DNM3: variants seen among roughly 807,000 people sequenced by gnomAD.
The protein encoded by DNM3 is dynamin-3.
A neutral mutation model predicts 101.6 loss-of-function variants in DNM3; 47 were observed. The ratio of observed to expected loss-of-function variants is 0.46; its 90% CI spans 0.37 to 0.59. The LOEUF is 0.59. Ranked by LOEUF, DNM3 falls within the 20% of genes least tolerant of loss-of-function variation. The pLI, the probability that DNM3 is intolerant of heterozygous loss-of-function variation, is 0.00. For missense variants in DNM3, 849 were observed against 1,085.7 expected, an observed-to-expected ratio of 0.78 and a Z score of 3.06; for synonymous variants, 385 against 387.9, an observed-to-expected ratio of 0.99 and a Z score of 0.09.
intron 14 of DNM3, among the ~76,000 whole-genome samples, chr1:172,174,772 G>C (rs1321986546): frequency 1.3e-5 from 2 of 151,626 alleles, no homozygotes; most frequent in Admixed American, 6.6e-5. Flanking sequence ...TTCACAAATG[G>C]GTGAAGGATA....
intron 17 of DNM3, among the ~76,000 whole-genome samples, chr1:172,351,943 C>T (rs1229462856): frequency 6.6e-6 from 1 of 152,130 alleles, no homozygotes; most frequent in Admixed American, 6.5e-5. Context: ...GTCAGCTTCC[C>T]AGATCATTGA....
At chr1:172,236,785 T>C (rs2061561442) in intron 14 of DNM3, among the ~76,000 whole-genome samples, 1 of 152,168 alleles carries the variant, frequency 6.6e-6, no homozygotes, top group South Asian at 2.1e-4. Context: ...GTGCTAAACT[T>C]TTTCTATGAC....
intron 1 of DNM3, among the ~76,000 whole-genome samples, chr1:171,864,859 TA>T (rs57265665): frequency 0.024 from 3,518 of 146,270 alleles, 123 homozygotes; most frequent in African/African-American, 0.082. Context: ...CTTGCTTAAA[TA>T]AAAAAAAAAA....
chr1:172,373,893 C>T (rs971938237), intron 17 of DNM3, among the ~76,000 whole-genome samples: 3 of 152,066 alleles, frequency 2.0e-5, no homozygotes, highest in African/African-American at 7.2e-5. Flanking sequence ...TTTTTATCAT[C>T]TTCACAAAGT....
At chr1:171,876,544 A>G (rs1198847534) in intron 1 of DNM3, among the ~76,000 whole-genome samples, 2 of 151,996 alleles carry the variant, frequency 1.3e-5, no homozygotes, top group African/African-American at 2.4e-5. Context: ...GCACCTATAC[A>G]TGTTGTGGCT....
At chr1:171,915,749 G>A (rs940875776) in intron 1 of DNM3, among the ~76,000 whole-genome samples, 1 of 152,054 alleles carries the variant, frequency 6.6e-6, no homozygotes, top group Non-Finnish European at 1.5e-5. Context: ...GAGATGTTTG[G>A]TTCCAGACAC....
At chr1:172,249,495 T>C (rs1283073786) in intron 14 of DNM3, among the ~76,000 whole-genome samples, 3 of 152,134 alleles carry the variant, frequency 2.0e-5, no homozygotes, top group South Asian at 2.1e-4. Flanking sequence ...TCCCTCTCTC[T>C]TTGAACAAAA....
rs2062160177 is a variant in DNM3 at position 172,251,308 on chromosome 1, GCA to G, written c.1660-2264_1660-2263del. On this transcript the variant is annotated intron_variant, in intron 14 of 20. Coordinates refer to ENST00000627582, the MANE Select transcript of DNM3 (RefSeq NM_015569.5). ...ATTTTAGATTCATGATGTTCTTTTA[GCA>G]GAACATCATTCTTTCCCCAAAGCAC... Among the ~76,000 whole-genome samples, 7 of 149,800 alleles carry G rather than the reference GCA, an allele frequency of 4.7e-5. No individual in the cohort carries two copies. The South Asian group carries it at 1.1e-3, about 23-fold the overall frequency.
chr1:172,378,323 T>C (rs963348913), intron 17 of DNM3: 17 of 152,200 alleles, frequency 1.1e-4, no homozygotes, highest in African/African-American at 4.1e-4. Flanking sequence ...GCTTTTCTCA[T>C]GTTGCACAAA....
chr1:172,166,959 G>A (rs2058767694), intron 14 of DNM3, among the ~76,000 whole-genome samples: 1 of 151,030 alleles, frequency 6.6e-6, no homozygotes, highest in Non-Finnish European at 1.5e-5. Flanking sequence ...TAGGATACAT[G>A]TGCACAACAT....
At chr1:171,856,639 T>C (rs2033643464) in intron 1 of DNM3, among the ~76,000 whole-genome samples, 1 of 152,170 alleles carries the variant, frequency 6.6e-6, no homozygotes, top group African/African-American at 2.4e-5. Flanking sequence ...GTGGCAATTG[T>C]GAATGAGATT....
intron 15 of DNM3, among the ~76,000 whole-genome samples, chr1:172,268,581 A>G (rs2062962468): frequency 6.6e-6 from 1 of 152,202 alleles, no homozygotes; most frequent in Non-Finnish European, 1.5e-5. Flanking sequence ...GAGAACCAAA[A>G]TTCTCGGCCC....
chr1:172,048,143 A>G (rs1043799423), intron 9 of DNM3, among the ~76,000 whole-genome samples: 6 of 152,146 alleles, frequency 3.9e-5, no homozygotes, highest in African/African-American at 1.4e-4. Context: ...AGGCATCTTG[A>G]AATATTAAAA....
chr1:172,298,834 GA>G (rs1250759016), intron 15 of DNM3, among the ~76,000 whole-genome samples: 8 of 149,700 alleles, frequency 5.3e-5, no homozygotes, highest in Non-Finnish European at 1.2e-4. Context: ...AGAAAAAAAG[GA>G]AGGACAGAAA....
chr1:172,109,676 A>T (rs548876984), intron 13 of DNM3, among the ~76,000 whole-genome samples: 1 of 152,344 alleles, frequency 6.6e-6, no homozygotes, highest in South Asian at 2.1e-4. Context: ...GATTAACAAA[A>T]TAGCTGCTCT....
chr1:172,081,918 G>A lies in DNM3; in HGVS notation c.1493+16G>A. ...GCTTCGCAAAGTACGTGAAACACTT[G>A]ATGGCCACATGCATTCCTCCTGTTG... On this transcript the variant is annotated intron_variant, in intron 12 of 20. Coordinates refer to ENST00000627582, the MANE Select transcript of DNM3 (RefSeq NM_015569.5). 2 of 1,610,500 alleles carry A rather than the reference G, an allele frequency of 1.2e-6. No individual in the cohort carries two copies. Among genetic ancestry groups the A allele is most frequent in the Non-Finnish European group, 1.7e-6 (2 of 1,177,932 alleles).
intron 1 of DNM3, among the ~76,000 whole-genome samples, chr1:171,846,291 G>A (rs10798701): frequency 0.61 from 92,951 of 151,894 alleles, 28,773 homozygotes; most frequent in East Asian, 0.8. Context: ...TTTTTTATTA[G>A]TAATGTCTGA....
chr1:172,371,409 C>T (rs996818934), intron 17 of DNM3, among the ~76,000 whole-genome samples: 1 of 151,914 alleles, frequency 6.6e-6, no homozygotes, highest in African/African-American at 2.4e-5. Flanking sequence ...CTTCTGAATT[C>T]TTTTTTTAAT....
chr1:171,873,577 CAAG>C (rs2035490167), intron 1 of DNM3, among the ~76,000 whole-genome samples: 1 of 151,862 alleles, frequency 6.6e-6, no homozygotes, highest in African/African-American at 2.4e-5. Flanking sequence ...CAGGCATGTC[CAAG>C]AAGAAGAGGT....
Sources: gnomAD v4.1 joint callset for allele counts (sites outside exome capture counted in the v4.1 genomes callset) on GRCh38, gnomAD v4.1.1 for gene constraint, MANE v1.5 for transcripts, NCBI Gene and HGNC (gene_info 2026-07-23, HGNC 2026-07-21) for gene names.